TMEM223: variants seen among roughly 807,000 people sequenced by gnomAD.
TMEM223 encodes the protein transmembrane protein 223.
In TMEM223, 14 loss-of-function variants were observed where a neutral mutation model predicts 14.1. That is an observed-to-expected ratio of 0.99 (90% CI 0.66 to 1.55). The LOEUF (loss-of-function observed/expected upper bound fraction) is 1.55, where lower values mean the gene tolerates loss of function less well. Among genes scored for constraint, TMEM223 ranks in the 40% most tolerant of loss-of-function variants. The pLI, the probability that TMEM223 is intolerant of heterozygous loss-of-function variation, is 0.00. For missense variants in TMEM223, 346 were observed against 269.9 expected (o/e 1.28, Z -1.97); for synonymous variants, 145 against 120.5 (o/e 1.20, Z -1.33).
chr11:62,772,606 G>A (rs2084156839), intron 2 of TMEM223, among the ~76,000 whole-genome samples: 2 of 151,286 alleles, frequency 1.3e-5, no homozygotes, highest in Admixed American at 1.3e-4. Flanking sequence ...GAGGTGGGCG[G>A]ATCACCTGAG....
intron 1 of TMEM223, among the ~76,000 whole-genome samples, chr11:62,779,714 G>A (rs911858755): frequency 2.0e-5 from 3 of 151,320 alleles, no homozygotes; most frequent in East Asian, 2.0e-4. Flanking sequence ...CACCTAGGCC[G>A]GAGTGCAGTG....
At chr11:62,786,425 T>C, downstream of TMEM223, 2 of 1,604,180 alleles carry the variant, frequency 1.2e-6, no homozygotes, top group Non-Finnish European at 1.7e-6. Flanking sequence ...CTTCCCTGCA[T>C]GAGCTTAGCA....
chr11:62,774,903 AAAAAAAAT>A (rs1366404218), intron 1 of TMEM223, among the ~76,000 whole-genome samples: 9 of 150,704 alleles, frequency 6.0e-5, no homozygotes. Flanking sequence ...AAAAAAAAAA[AAAAAAAAT>A]TTAGCCATCC....
At chr11:62,771,426 C>T (rs1312784793), downstream of TMEM223, 2 of 156,864 alleles carry the variant, frequency 1.3e-5, no homozygotes, top group Non-Finnish European at 2.8e-5. Context: ...CGTGAGTGGG[C>T]GCCGCCGCCA....
intron 1 of TMEM223, among the ~76,000 whole-genome samples, chr11:62,779,675 A>AT (rs1335989637): frequency 2.0e-5 from 3 of 149,716 alleles, no homozygotes; most frequent in Non-Finnish European, 3.0e-5. Context: ...TTAAAAAAAC[A>AT]TTTTTTTTAA....
chr11:62,790,031 G>A lies in TMEM223; in HGVS notation c.*592C>T, dbSNP rs541728237. On this transcript the variant is annotated 3_prime_UTR_variant, in exon 2 of 2. Coordinates refer to ENST00000307366, the MANE Select transcript of TMEM223 (RefSeq NM_001080501.3). ...GAGACAGATGCTCTCGTTGGGTCAC[G>A]CCTTTCCCATTCCTGAAGAATAAGC... is the stretch of plus-strand genomic sequence containing the variant. 81 of 1,611,654 alleles carry A rather than the reference G, an allele frequency of 5.0e-5. No homozygotes were observed. Among genetic ancestry groups the A allele is most frequent in the South Asian group, 3.2e-4 (29 of 90,830 alleles).
Position 62,790,350 on chromosome 11 carries a change from G to A in TMEM223, c.*273C>T. 1 of 547,194 alleles carries A rather than the reference G, an allele frequency of 1.8e-6. No homozygotes were observed. The highest frequency in any genetic ancestry group is 3.2e-6 in the Non-Finnish European group (1 of 313,248). The allele number at this position is 547,194 out of a possible 1,614,324, so 33.9% of individuals were successfully genotyped here. A position where few individuals can be genotyped will look rare whatever the true frequency, so the allele number is the denominator to read the frequency against. On this transcript the variant is annotated 3_prime_UTR_variant, in exon 2 of 2. Coordinates refer to ENST00000307366, the MANE Select transcript of TMEM223 (RefSeq NM_001080501.3). ...AGGTACTGTTAGGCAGCTGCCCTAG[G>A]GATGACTGCTCCTTTATTTGTTGTT...
At chr11:62,779,970 A>ATTTTTTTTTT (rs1263442687) in intron 1 of TMEM223, among the ~76,000 whole-genome samples, 1 of 64,414 alleles carries the variant, frequency 1.6e-5, no homozygotes, top group African/African-American at 4.5e-5. Context: ...ATATATATAT[A>ATTTTTTTTTT]TATATATTTT....
chr11:62,790,657 A>G lies in TMEM223; in HGVS notation c.575T>C (p.Phe192Ser). Residue 192 changes from phenylalanine (F) to serine (S), a missense_variant, in exon 2 of 2, where the codon TTT becomes TCT. Phe to Ser is a radical substitution (Grantham distance 155). Coordinates refer to ENST00000307366, the MANE Select transcript of TMEM223 (RefSeq NM_001080501.3). ...KTGHFPNTKL[F>S]DNTVGAYRSL Reference sequence around the variant, plus strand: ...CCGGTAGGCACCCACAGTATTGTCAAAGAGTTTTGTGTTAGGGAAGTGTCC... The same window carrying G: ...CCGGTAGGCACCCACAGTATTGTCAGAGAGTTTTGTGTTAGGGAAGTGTCC... 1 of 1,612,138 alleles carries G rather than the reference A, an allele frequency of 6.2e-7. No homozygotes were observed. Among genetic ancestry groups the G allele is most frequent in the Admixed American group, 1.7e-5 (1 of 59,688 alleles).
chr11:62,775,670 C>T, intron 1 of TMEM223: 1 of 1,359,402 alleles, frequency 7.4e-7, no homozygotes, highest in South Asian at 1.4e-5. Context: ...TTAGAAACTC[C>T]AGAGCACGAG....
intron 1 of TMEM223, chr11:62,778,557 CAG>C (rs2084204008): frequency 4.7e-6 from 3 of 637,082 alleles, no homozygotes; most frequent in African/African-American, 3.7e-5. Context: ...GATGCTAAGA[CAG>C]AAGTCTGGGC....
At chr11:62,787,206 C>T, downstream of TMEM223, 1 of 1,588,960 alleles carries the variant, frequency 6.3e-7, no homozygotes, top group Non-Finnish European at 8.5e-7. Context: ...CGGCCTCGCG[C>T]TACGTGCAGA....
chr11:62,773,511 G>A (rs1347183692), intron 2 of TMEM223, among the ~76,000 whole-genome samples: 1 of 149,886 alleles, frequency 6.7e-6, no homozygotes. Context: ...GCACTGGTGC[G>A]ATCTTGACTC....
chr11:62,782,904 T>C (rs2084241151), downstream of TMEM223: 1 of 1,565,806 alleles, frequency 6.4e-7, no homozygotes. Context: ...CATCGTTATC[T>C]CCAAAATAGT....
chr11:62,773,240 C>T (rs1178570149), intron 2 of TMEM223, among the ~76,000 whole-genome samples: 8 of 151,576 alleles, frequency 5.3e-5, no homozygotes, highest in South Asian at 2.1e-4. Context: ...CTCCACCTCC[C>T]GGGTTCAAGC....
downstream of TMEM223, chr11:62,787,560 G>A: frequency 6.6e-7 from 1 of 1,509,610 alleles, no homozygotes; most frequent in Non-Finnish European, 8.8e-7. Context: ...GGTAGGCGGG[G>A]GAGCTGGCCG....
chr11:62,782,683 G>C (rs1273272972), downstream of TMEM223: 1 of 1,611,036 alleles, frequency 6.2e-7, no homozygotes, highest in Non-Finnish European at 8.5e-7. Flanking sequence ...ACTGAATGGT[G>C]CTCCCACAGG....
chr11:62,786,718 C>T (rs2084281290), downstream of TMEM223: 1 of 1,612,974 alleles, frequency 6.2e-7, no homozygotes, highest in Non-Finnish European at 8.5e-7. Flanking sequence ...GCCGGAGGAC[C>T]CTTCTCTTTC....
chr11:62,782,023 C>G, intron 1 of TMEM223: 4 of 1,604,188 alleles, frequency 2.5e-6, no homozygotes, highest in Non-Finnish European at 3.4e-6. Flanking sequence ...GATGACCCAG[C>G]AGGTGTAGGG....
Sources: gnomAD v4.1 joint callset for allele counts (sites outside exome capture counted in the v4.1 genomes callset) on GRCh38, gnomAD v4.1.1 for gene constraint, MANE v1.5 for transcripts, NCBI Gene and HGNC (gene_info 2026-07-23, HGNC 2026-07-21) for gene names.